ARHGAP29: variants seen among roughly 807,000 people sequenced by gnomAD.
The protein encoded by ARHGAP29 is rho GTPase-activating protein 29.
ARHGAP29 carries 43 observed loss-of-function variants against 122.6 expected under a neutral mutation model. That is an observed-to-expected ratio of 0.35 (90% CI 0.27 to 0.45). The LOEUF (loss-of-function observed/expected upper bound fraction) is 0.45. Among genes scored for constraint, ARHGAP29 ranks in the 20% least tolerant of loss-of-function variants. The pLI, the probability that ARHGAP29 is intolerant of heterozygous loss-of-function variation, is 1.00. For missense variants in ARHGAP29, 1,303 were observed against 1,477.2 expected, an observed-to-expected ratio of 0.88 and a Z score of 1.93; for synonymous variants, 506 against 497.1, an observed-to-expected ratio of 1.02 and a Z score of -0.24.
At chr1:94,221,141 T>C (rs186970933) in intron 2 of ARHGAP29, among the ~76,000 whole-genome samples, 12 of 152,298 alleles carry the variant, frequency 7.9e-5, no homozygotes, top group African/African-American at 2.6e-4. Flanking sequence ...CAATTTATCA[T>C]TCAAACCAAA....
rs759321408 is a variant in ARHGAP29 at position 94,209,329 on chromosome 1, T to C, written c.362A>G (p.Asn121Ser). The C allele has an allele frequency of 3.1e-6, 5 of 1,607,668 alleles. No homozygotes were observed. In the Admixed American group the frequency reaches 6.8e-5, roughly 22 times the overall value. ...KVKAVNFTEV[N>S]EENKNDLFQE... ...GAAGAGATCGTTTTTGTTTTCTTCATTAACTTCTGTGAAGTTCACAGCTGT... is the reference window on the plus strand; with the variant it reads ...GAAGAGATCGTTTTTGTTTTCTTCACTAACTTCTGTGAAGTTCACAGCTGT... Residue 121 changes from asparagine (N) to serine (S), a missense_variant, in exon 4 of 23, where the codon AAT becomes AGT. Asn to Ser is a conservative substitution (Grantham distance 46). This residue lies in a region of ARHGAP29 where 592 missense variants were observed against 648.2 expected (regional missense o/e 0.91). Transcript: ENST00000260526.
At chr1:94,185,549 T>C (rs1649746790) in intron 16 of ARHGAP29, 68 bp from the exon 17 acceptor site, 4 of 1,326,670 alleles carry the variant, frequency 3.0e-6, no homozygotes, top group Non-Finnish European at 4.0e-6. Flanking sequence ...ATATCATATT[T>C]TGAATAATCT....
At chr1:94,208,108 G>A (rs967741420) in intron 5 of ARHGAP29, among the ~76,000 whole-genome samples, 3 of 152,092 alleles carry the variant, frequency 2.0e-5, no homozygotes, top group Non-Finnish European at 2.9e-5. Flanking sequence ...AAAGTGCCGG[G>A]ACTATAGGTG....
chr1:94,309,308 A>G, the ARHGAP29 span, among the ~76,000 whole-genome samples: 8 of 152,318 alleles, frequency 5.3e-5, no homozygotes, highest in African/African-American at 1.4e-4. Context: ...CAGCGAGAGG[A>G]TGGTGGAACC....
At chr1:94,200,887 G>A (rs1019860700) in intron 12 of ARHGAP29, among the ~76,000 whole-genome samples, 6 of 152,210 alleles carry the variant, frequency 3.9e-5, no homozygotes, top group African/African-American at 1.2e-4. Context: ...TGGGCAGAGA[G>A]TTGGACTACA....
chr1:94,203,083 T>C lies in ARHGAP29; in HGVS notation c.873+17A>G, dbSNP rs761247554. On this transcript the variant is annotated intron_variant, in intron 9 of 22. Transcript: ENST00000260526. The stretch of plus-strand genomic sequence containing the variant: ...CTTAAAAATAAAAGTGCATTATACA[T>C]ATAAATTAATCTTTACCTGCACAAA... 2 of 1,602,050 alleles carry C rather than the reference T, an allele frequency of 1.2e-6. No homozygotes were observed. Among genetic ancestry groups the C allele is most frequent in the South Asian group, 1.1e-5 (1 of 88,406 alleles).
At position 94,201,863 on chromosome 1, in the gene ARHGAP29, C is replaced by G; in HGVS notation, c.1144-6G>C. On this transcript the variant is annotated splice_polypyrimidine_tract_variant and splice_region_variant and intron_variant, in intron 11 of 22. Transcript: ENST00000260526. ...AGTTCATTTGCTTCTTCTACCTTCA[C>G]AAATATCACAGAAAAAAAAATAACA... 1 of 1,481,330 alleles carries G rather than the reference C, an allele frequency of 6.8e-7. No homozygotes were observed. The highest frequency in any genetic ancestry group is 8.9e-7 in the Non-Finnish European group (1 of 1,121,610). The allele number at this position is 1,481,330 out of a possible 1,614,324, so 91.8% of individuals were successfully genotyped here.
chr1:94,216,009 T>C (rs1557868000), intron 3 of ARHGAP29, among the ~76,000 whole-genome samples: 1 of 152,184 alleles, frequency 6.6e-6, no homozygotes, highest in Non-Finnish European at 1.5e-5. Context: ...CTTTTCACTA[T>C]CATACTGGAT....
At chr1:94,292,443 A>T in the ARHGAP29 span, among the ~76,000 whole-genome samples, 1 of 152,182 alleles carries the variant, frequency 6.6e-6, no homozygotes, top group African/African-American at 2.4e-5. Context: ...GACCTTCTGA[A>T]GCCTACTTCC....
intron 1 of ARHGAP29, among the ~76,000 whole-genome samples, chr1:94,258,558 T>C (rs540297191): frequency 5.3e-4 from 80 of 152,252 alleles, no homozygotes; most frequent in Middle Eastern, 6.8e-3. Flanking sequence ...GAGAGGGTCT[T>C]AGGGGGCTCC....
At chr1:94,203,448 T>C (rs1053460227) in intron 8 of ARHGAP29, among the ~76,000 whole-genome samples, 1 of 152,158 alleles carries the variant, frequency 6.6e-6, no homozygotes, top group Non-Finnish European at 1.5e-5. Context: ...AAATTGTAAA[T>C]TTCTGGCTGG....
At chr1:94,183,312 G>A (rs1414654024) in intron 19 of ARHGAP29, among the ~76,000 whole-genome samples, 3 of 152,006 alleles carry the variant, frequency 2.0e-5, no homozygotes, top group East Asian at 1.9e-4. Context: ...ATTTTCACCC[G>A]AGGACAGAAT....
rs1436905346 is a variant in ARHGAP29, at chr1:94,171,073, G to A, written c.*2796C>T. Among the ~76,000 whole-genome samples, 1 of 152,078 alleles carries A rather than the reference G, an allele frequency of 6.6e-6. No homozygotes were observed. The highest frequency in any genetic ancestry group is 2.4e-5 in the African/African-American group (1 of 41,398). ...AAAGAAAAACCCACAGAATTCCACT[G>A]ACTATAAGTTATTTAACAATATACA... is the stretch of plus-strand genomic sequence containing the variant. On this transcript the variant is annotated 3_prime_UTR_variant, in exon 23 of 23. Transcript: ENST00000260526.
intron 1 of ARHGAP29, among the ~76,000 whole-genome samples, chr1:94,246,008 C>T (rs560315132): frequency 1.3e-5 from 2 of 152,212 alleles, no homozygotes; most frequent in Non-Finnish European, 2.9e-5. Flanking sequence ...TGACCAACCA[C>T]TATACATTCT....
the ARHGAP29 span, among the ~76,000 whole-genome samples, chr1:94,304,450 T>A: frequency 4.6e-5 from 7 of 152,376 alleles, no homozygotes; most frequent in African/African-American, 1.7e-4. Flanking sequence ...TCTACCCATC[T>A]TTTGATGCTC....
chr1:94,297,911 T>C, the ARHGAP29 span, among the ~76,000 whole-genome samples: 4 of 152,140 alleles, frequency 2.6e-5, no homozygotes, highest in African/African-American at 9.7e-5. Context: ...CCAAATAACA[T>C]AGTGAACCTC....
At chr1:94,247,088 T>C (rs1448426839) in intron 1 of ARHGAP29, among the ~76,000 whole-genome samples, 1 of 152,096 alleles carries the variant, frequency 6.6e-6, no homozygotes, top group Non-Finnish European at 1.5e-5. Flanking sequence ...ATATGGAACA[T>C]GAGATGTCTG....
chr1:94,283,545 C>T, the ARHGAP29 span, among the ~76,000 whole-genome samples: 1 of 152,104 alleles, frequency 6.6e-6, no homozygotes, highest in East Asian at 1.9e-4. Context: ...GAATCGATTA[C>T]CTCATGGAAA....
Position 94,171,305 on chromosome 1 carries a change from C to T in ARHGAP29, c.*2564G>A, listed in dbSNP as rs1648724408. Among the ~76,000 whole-genome samples the T allele has an allele frequency of 6.6e-6, 1 of 152,146 alleles. No individual in the cohort carries two copies. Among genetic ancestry groups the T allele is most frequent in the Admixed American group, 6.5e-5 (1 of 15,278 alleles). ...AAACAAATACACTGCCTAAGGTACACTAAAAGTAATTTAACATACTGTACT... is the reference window on the plus strand; with the variant it reads ...AAACAAATACACTGCCTAAGGTACATTAAAAGTAATTTAACATACTGTACT... On this transcript the variant is annotated 3_prime_UTR_variant, in exon 23 of 23. Transcript: ENST00000260526.
Sources: allele counts gnomAD v4.1 joint callset (sites outside exome capture counted in the v4.1 genomes callset), GRCh38; gene constraint gnomAD v4.1.1; regional missense constraint gnomAD v4.1.1; transcripts MANE v1.5; gene names NCBI Gene and HGNC (gene_info 2026-07-23, HGNC 2026-07-21).